The following EML6 variants were observed in gnomAD, a reference collection of about 807,000 sequenced individuals.
The protein encoded by EML6 is echinoderm microtubule-associated protein-like 6.
A neutral mutation model predicts 240.1 loss-of-function variants in EML6; 154 were observed. That is an observed-to-expected ratio of 0.64 (90% confidence interval 0.56 to 0.73). The LOEUF (loss-of-function observed/expected upper bound fraction) is 0.73. Among genes scored for constraint, EML6 ranks in the 30% least tolerant of loss-of-function variants. The pLI, the probability that EML6 is intolerant of heterozygous loss-of-function variation, is 0.00. For synonymous variants in EML6, 1,148 were observed against 899.0 expected, an observed-to-expected ratio of 1.28 and a Z score of -4.95; for missense variants, 2,964 against 2,474.6, an observed-to-expected ratio of 1.20 and a Z score of -4.20.
At chr2:54,879,412 T>A (rs1204850309) in intron 16 of EML6, 135 bp from the exon 17 acceptor site, 2 of 644,600 alleles carry the variant, frequency 3.1e-6, no homozygotes, top group Non-Finnish European at 5.6e-6. Context: ...TATAATCAAG[T>A]CAGGGCAGCT....
At chr2:54,857,219 AGCTGTCAGT>A (rs1670432985) in intron 11 of EML6, among the ~76,000 whole-genome samples, 2 of 152,180 alleles carry the variant, frequency 1.3e-5, no homozygotes, top group Non-Finnish European at 2.9e-5. Flanking sequence ...CGTGGCACAG[AGCTGTCAGT>A]GCTCCAGGGA....
At chr2:54,809,987 T>C (rs1667753239) in intron 2 of EML6, among the ~76,000 whole-genome samples, 1 of 152,180 alleles carries the variant, frequency 6.6e-6, no homozygotes. Flanking sequence ...ATAAAGGTGG[T>C]TCTCTGTTCT....
intron 5 of EML6, among the ~76,000 whole-genome samples, 157 bp downstream of exon 5, chr2:54,820,619 A>C (rs756803011): frequency 6.6e-6 from 1 of 152,154 alleles, no homozygotes; most frequent in African/African-American, 2.4e-5. Flanking sequence ...GCAAACTAAC[A>C]TCAGCTGATG....
At chr2:54,928,887 G>C in intron 28 of EML6, 136 bp downstream of exon 28, 17 of 1,053,832 alleles carry the variant, frequency 1.6e-5, no homozygotes, top group Non-Finnish European at 2.1e-5. Flanking sequence ...GTCTTCACCT[G>C]TACACAGGCT....
intron 2 of EML6, among the ~76,000 whole-genome samples, chr2:54,770,701 G>T (rs1265991261): frequency 1.3e-5 from 2 of 152,000 alleles, no homozygotes; most frequent in East Asian, 3.9e-4. Flanking sequence ...CAAATCTAGG[G>T]GTAATCACAT....
At chr2:54,834,237 C>T (rs370320573) in intron 7 of EML6, among the ~76,000 whole-genome samples, 2 of 152,168 alleles carry the variant, frequency 1.3e-5, no homozygotes, top group African/African-American at 4.8e-5. Context: ...AAACTGAAGT[C>T]ACTCACTCAT....
rs1217580468 is a variant in EML6, at chr2:54,771,833, C to T, written c.198-41399C>T. ...ACTCTGATAGTTTCATTTGTGTTAC[C>T]TCTTCAAGAAGAAGATTAGAATTAA... On this transcript the variant is annotated intron_variant, in intron 2 of 41. Transcript: ENST00000356458. Among the ~76,000 whole-genome samples, 4 of 152,262 alleles carry T rather than the reference C, an allele frequency of 2.6e-5. No individual in the cohort carries two copies. In the East Asian group the frequency reaches 7.7e-4, roughly 29 times the overall value.
intron 17 of EML6, among the ~76,000 whole-genome samples, chr2:54,886,623 T>C (rs1672159857): frequency 6.6e-6 from 1 of 152,220 alleles, no homozygotes; most frequent in African/African-American, 2.4e-5. Flanking sequence ...TTATTGTCTG[T>C]CATTTTTATT....
At chr2:54,734,394 C>G (rs775199866) in intron 2 of EML6, among the ~76,000 whole-genome samples, 54 of 152,256 alleles carry the variant, frequency 3.5e-4, no homozygotes, top group Non-Finnish European at 7.3e-4. Context: ...TCATAAGAGA[C>G]TGTGCCGAAA....
chr2:54,847,753 C>CAA, intron 9 of EML6, 130 bp downstream of exon 9: 2 of 786,696 alleles, frequency 2.5e-6, no homozygotes, highest in South Asian at 2.8e-5. Flanking sequence ...TACTATAGAT[C>CAA]TACGATCCCC....
intron 2 of EML6, among the ~76,000 whole-genome samples, chr2:54,761,744 A>G (rs1438905837): frequency 1.3e-5 from 2 of 152,274 alleles, no homozygotes; most frequent in South Asian, 4.1e-4. Context: ...TTTTGGAATC[A>G]TTTCAAACTT....
intron 2 of EML6, among the ~76,000 whole-genome samples, chr2:54,807,273 T>C (rs1670548128): frequency 6.6e-6 from 1 of 152,208 alleles, no homozygotes; most frequent in Non-Finnish European, 1.5e-5. Context: ...CCAATATGTA[T>C]ATGTTTTACA....
chr2:54,827,360 T>G (rs559361286), intron 5 of EML6, among the ~76,000 whole-genome samples: 2 of 152,326 alleles, frequency 1.3e-5, no homozygotes, highest in South Asian at 2.1e-4. Context: ...TTTAAAAGTG[T>G]TGTTATAGGC....
At chr2:54,950,996 A>G (rs1164885552) in intron 30 of EML6, among the ~76,000 whole-genome samples, 1 of 152,084 alleles carries the variant, frequency 6.6e-6, no homozygotes, top group Non-Finnish European at 1.5e-5. Flanking sequence ...TCACCTCATC[A>G]TAGGCCCTAG....
At chr2:54,905,116 G>GC (rs1673252338) in intron 24 of EML6, among the ~76,000 whole-genome samples, 5 of 152,144 alleles carry the variant, frequency 3.3e-5, no homozygotes, top group African/African-American at 1.2e-4. Flanking sequence ...CAGACAAAGT[G>GC]CCGAGGGCTT....
rs940969979 is a variant in EML6 at position 54,895,293 on chromosome 2, C to T, written c.2875C>T (p.Pro959Ser). The T allele has an allele frequency of 1.4e-5, 21 of 1,551,516 alleles. No homozygotes were observed. The highest frequency in any genetic ancestry group is 1.7e-5 in the Non-Finnish European group (20 of 1,146,882). The stretch of plus-strand genomic sequence containing the variant: ...CCCAGGCTTGCTTTTGGAAGATAAC[C>T]CTTCAATTCGTGCCATCACTTTGGG... ...SSKGLLLEDN[P>S]SIRAITLGHG... Residue 959 changes from proline to serine, a missense_variant, in exon 21 of 42, where the codon CCT becomes TCT. Transcript: ENST00000356458.
intron 17 of EML6, among the ~76,000 whole-genome samples, chr2:54,885,668 G>C (rs1031017680): frequency 1.3e-4 from 20 of 151,990 alleles, no homozygotes; most frequent in African/African-American, 4.8e-4. Context: ...CCAGAGTGCA[G>C]TGGCGCTATC....
intron 2 of EML6, among the ~76,000 whole-genome samples, chr2:54,793,385 C>CT (rs10683746): frequency 0.4 from 49,025 of 121,434 alleles, 10,843 homozygotes; most frequent in African/African-American, 0.48. Flanking sequence ...TATGAGTAGG[C>CT]TTTTTTTTTT....
intron 7 of EML6, among the ~76,000 whole-genome samples, chr2:54,832,490 C>T (rs1166806116): frequency 6.6e-6 from 1 of 152,144 alleles, no homozygotes; most frequent in African/African-American, 2.4e-5. Context: ...TGGAGGTGTG[C>T]CCCAAATCCA....
Sources: gnomAD v4.1 joint callset for allele counts (sites outside exome capture counted in the v4.1 genomes callset) on GRCh38, gnomAD v4.1.1 for gene constraint, MANE v1.5 for transcripts, NCBI Gene and HGNC (gene_info 2026-07-23, HGNC 2026-07-21) for gene names.